NIPA1: variants seen among roughly 807,000 people sequenced by gnomAD.
The protein encoded by NIPA1 is magnesium transporter NIPA1.
Under a neutral mutation model 23.9 loss-of-function variants are expected in NIPA1, and 13 were observed. That is an observed-to-expected ratio of 0.54 (90% CI 0.35 to 0.87). NIPA1 has a LOEUF of 0.87. NIPA1 is among the 40% of genes least tolerant of loss of function. The pLI is 0.01. For missense variants in NIPA1, 362 were observed against 429.7 expected (o/e 0.84, Z 1.39); for synonymous variants, 234 against 202.9 (o/e 1.15, Z -1.30).
Position 22,823,872 on chromosome 15 carries a change from G to A in NIPA1, c.623G>A (p.Gly208Asp), listed in dbSNP as rs1371629006. The part of the protein sequence containing the change: ...LGSFTVPSTK[G>D]IGLAAQDILH... ...AGTTTCACCGTGCCTTCCACCAAGG[G>A]CATCGGGCTGGCGGCCCAAGACATC... is the stretch of plus-strand genomic sequence containing the variant. The change falls in exon 5 of 5, where the codon GGC becomes GAC. Residue 208 changes from glycine to aspartate, a missense_variant. By Grantham distance (94) the Gly-to-Asp change is moderately conservative. Around this residue, in one of 2 missense-constraint regions of NIPA1, gnomAD observed 277 missense variants for 372.0 expected, o/e 0.74. Coordinates refer to ENST00000337435, the MANE Select transcript of NIPA1 (RefSeq NM_144599.5). 3 of 1,614,162 alleles carry A rather than the reference G, an allele frequency of 1.9e-6. No individual in the cohort carries two copies. Among genetic ancestry groups the A allele is most frequent in the Admixed American group, 1.7e-5 (1 of 60,030 alleles).
intron 1 of NIPA1, among the ~76,000 whole-genome samples, chr15:22,795,116 A>C (rs968404610): frequency 3.9e-5 from 6 of 152,062 alleles, no homozygotes; most frequent in Admixed American, 1.3e-4. Flanking sequence ...GACCTTACTT[A>C]CGTCCTACTA....
At chr15:22,804,900 A>C (rs1055134796) in intron 1 of NIPA1, among the ~76,000 whole-genome samples, 2 of 151,844 alleles carry the variant, frequency 1.3e-5, no homozygotes, top group Non-Finnish European at 2.9e-5. Flanking sequence ...GCAGTGGCGC[A>C]ATCTTGGCTC....
chr15:22,820,236 A>T (rs777956353), intron 3 of NIPA1, 77 bp from the exon 4 acceptor site: 1 of 1,043,964 alleles, frequency 9.6e-7, no homozygotes. Flanking sequence ...TGGTTTTTCT[A>T]GATAAAATAT....
intron 1 of NIPA1, among the ~76,000 whole-genome samples, chr15:22,803,667 C>A (rs1895136555): frequency 7.1e-6 from 1 of 140,230 alleles, no homozygotes; most frequent in Non-Finnish European, 1.5e-5. Flanking sequence ...TGCTACCGGG[C>A]CCGGCTAATT....
At chr15:22,802,077 C>T (rs1180791762) in intron 1 of NIPA1, among the ~76,000 whole-genome samples, 3 of 151,918 alleles carry the variant, frequency 2.0e-5, no homozygotes, top group African/African-American at 4.8e-5. Flanking sequence ...GTGGGCTAAC[C>T]CAGAAACTTA....
chr15:22,791,894 G>A (rs990693203), intron 1 of NIPA1, among the ~76,000 whole-genome samples: 3 of 151,726 alleles, frequency 2.0e-5, no homozygotes, highest in African/African-American at 7.3e-5. Context: ...CATGCTTTTG[G>A]ATGACATAGT....
chr15:22,786,961 G>C, intron 1 of NIPA1, 127 bp downstream of exon 1: 1 of 512,412 alleles, frequency 2.0e-6, no homozygotes, highest in Non-Finnish European at 2.6e-6. Context: ...CAGGTTGGGG[G>C]AAGGCTGCGC....
chr15:22,806,145 G>C (rs532334736), intron 1 of NIPA1, among the ~76,000 whole-genome samples: 28 of 152,260 alleles, frequency 1.8e-4, no homozygotes, highest in African/African-American at 2.9e-4. Flanking sequence ...GGATGGTCTT[G>C]ATCTCCTGAC....
chr15:22,819,626 T>G (rs1895495388), intron 3 of NIPA1, among the ~76,000 whole-genome samples: 2 of 152,212 alleles, frequency 1.3e-5, no homozygotes, highest in Admixed American at 1.3e-4. Context: ...ATTTTTATTT[T>G]TTCTTTTGTT....
chr15:22,816,820 A>T (rs981638775), intron 3 of NIPA1, among the ~76,000 whole-genome samples: 5 of 151,846 alleles, frequency 3.3e-5, no homozygotes, highest in Non-Finnish European at 5.9e-5. Context: ...GAGAGTCCTA[A>T]AGAATCACTA....
At chr15:22,796,615 TTTAA>T (rs1189954841) in intron 1 of NIPA1, among the ~76,000 whole-genome samples, 1 of 152,190 alleles carries the variant, frequency 6.6e-6, no homozygotes, top group Non-Finnish European at 1.5e-5. Context: ...TTTTCAGTTC[TTTAA>T]TTAAGCCCTT....
intron 3 of NIPA1, among the ~76,000 whole-genome samples, chr15:22,816,381 G>A (rs187071237): frequency 2.0e-5 from 3 of 149,526 alleles, no homozygotes. Flanking sequence ...TAGAGACGGG[G>A]TTTCACCATG....
chr15:22,805,205 A>T (rs991948838), intron 1 of NIPA1, among the ~76,000 whole-genome samples: 2 of 152,174 alleles, frequency 1.3e-5, no homozygotes, highest in African/African-American at 4.8e-5. Context: ...TAATTGCCAA[A>T]CTATTTCTTA....
intron 3 of NIPA1, chr15:22,814,007 T>G: frequency 2.9e-6 from 2 of 698,634 alleles, no homozygotes; most frequent in South Asian, 2.9e-5. Flanking sequence ...GCTCAGTTAA[T>G]TTCCTTAGAA....
intron 1 of NIPA1, among the ~76,000 whole-genome samples, chr15:22,791,094 C>T (rs117344067): frequency 1.1e-3 from 164 of 152,156 alleles, no homozygotes; most frequent in Non-Finnish European, 1.7e-3. Flanking sequence ...AATATTTCAT[C>T]GCTCCCACCC....
chr15:22,792,809 C>G (rs1478566919), intron 1 of NIPA1, among the ~76,000 whole-genome samples: 1 of 151,934 alleles, frequency 6.6e-6, no homozygotes, highest in Non-Finnish European at 1.5e-5. Flanking sequence ...CAGAAATTGT[C>G]CGGGTGTGGT....
chr15:22,790,879 A>G (rs1273574359), intron 1 of NIPA1, among the ~76,000 whole-genome samples: 1 of 152,298 alleles, frequency 6.6e-6, no homozygotes, highest in Middle Eastern at 3.4e-3. Context: ...GGAGATACGC[A>G]AGCACCAGAG....
Position 22,828,352 on chromosome 15 carries a change from A to G in NIPA1, c.*4113A>G, listed in dbSNP as rs1303853634. 1.3e-5 allele frequency: 2 copies of G among 152,650 alleles called. No individual in the cohort carries two copies. The highest frequency in any genetic ancestry group is 1.5e-5 in the Non-Finnish European group (1 of 68,030). 9.5% of individuals were successfully genotyped at this position (152,650 alleles called of 1,614,324 possible). On this transcript the variant is annotated 3_prime_UTR_variant, in exon 5 of 5. Transcript: ENST00000337435. ...GTCACACCACAAGACAGTTTATCAT[A>G]TAAAATACCTCAATTTTTTGTATTC...
chr15:22,817,856 A>G (rs755139691), intron 3 of NIPA1, among the ~76,000 whole-genome samples: 1 of 152,116 alleles, frequency 6.6e-6, no homozygotes, highest in Non-Finnish European at 1.5e-5. Context: ...GAGCAAACCA[A>G]AAATGAAATT....
Sources: allele counts gnomAD v4.1 joint callset (sites outside exome capture counted in the v4.1 genomes callset), GRCh38; gene constraint gnomAD v4.1.1; regional missense constraint gnomAD v4.1.1; transcripts MANE v1.5; gene names NCBI Gene and HGNC (gene_info 2026-07-23, HGNC 2026-07-21).